The following AGK variants were observed in gnomAD, a reference collection of about 807,000 sequenced individuals.
AGK encodes acylglycerol kinase.
Under a neutral mutation model 66.4 loss-of-function variants are expected in AGK, and 52 were observed. That is an observed-to-expected ratio of 0.78 (90% CI 0.63 to 0.99). The LOEUF is 0.99. AGK is among the 50% of genes least tolerant of loss of function. The pLI is 0.00. For synonymous variants in AGK, 182 were observed against 181.1 expected, an observed-to-expected ratio of 1.00 and a Z score of -0.04; for missense variants, 451 against 506.6, an observed-to-expected ratio of 0.89 and a Z score of 1.05.
intron 2 of AGK, among the ~76,000 whole-genome samples, chr7:141,587,119 G>A (rs1796010348): frequency 6.6e-6 from 1 of 152,126 alleles, no homozygotes. Context: ...TCTGTGAATG[G>A]TACTGCCTTC....
At chr7:141,625,124 G>A (rs1796908240) in intron 9 of AGK, among the ~76,000 whole-genome samples, 1 of 151,958 alleles carries the variant, frequency 6.6e-6, no homozygotes, top group Non-Finnish European at 1.5e-5. Context: ...TTAAGTTAAG[G>A]TGCATACTTT....
intron 4 of AGK, among the ~76,000 whole-genome samples, chr7:141,599,838 A>T: frequency 6.6e-6 from 1 of 152,180 alleles, no homozygotes. Context: ...GAAAGGTAGA[A>T]AATATTTAAT....
chr7:141,597,733 A>T (rs967832482), intron 4 of AGK, among the ~76,000 whole-genome samples: 2 of 151,742 alleles, frequency 1.3e-5, no homozygotes, highest in Non-Finnish European at 2.9e-5. Context: ...AGCTGAAAAA[A>T]TGCAAAAATT....
At chr7:141,595,426 A>C (rs1037627968) in intron 3 of AGK, among the ~76,000 whole-genome samples, 14 of 152,350 alleles carry the variant, frequency 9.2e-5, no homozygotes, top group Admixed American at 3.9e-4. Context: ...TCTTACAAAG[A>C]AATAGTCTGT....
chr7:141,632,941 A>G (rs1487180882), intron 9 of AGK, among the ~76,000 whole-genome samples: 1 of 152,216 alleles, frequency 6.6e-6, no homozygotes, highest in East Asian at 1.9e-4. Flanking sequence ...TAGTGGAAAC[A>G]GGAGTGAATG....
intron 2 of AGK, among the ~76,000 whole-genome samples, chr7:141,588,815 G>A (rs1223177159): frequency 6.6e-6 from 1 of 152,116 alleles, no homozygotes; most frequent in East Asian, 1.9e-4. Flanking sequence ...ACCATACAGT[G>A]TAACTTCCAG....
At chr7:141,644,965 G>A (rs1269207268) in intron 13 of AGK, among the ~76,000 whole-genome samples, 2 of 151,514 alleles carry the variant, frequency 1.3e-5, no homozygotes, top group African/African-American at 2.4e-5. Context: ...CTAATACTCT[G>A]CTTCTCTTAT....
intron 2 of AGK, among the ~76,000 whole-genome samples, chr7:141,569,640 C>G (rs1281606903): frequency 1.3e-5 from 2 of 152,200 alleles, no homozygotes; most frequent in Non-Finnish European, 2.9e-5. Flanking sequence ...TTTCATCTTC[C>G]TTATAACTCT....
chr7:141,646,314 G>A (rs942453248), intron 13 of AGK, among the ~76,000 whole-genome samples: 10 of 151,974 alleles, frequency 6.6e-5, no homozygotes, highest in African/African-American at 1.2e-4. Flanking sequence ...GTGAGCAGGC[G>A]GGACAGTCTC....
chr7:141,592,575 A>T (rs1049358494), intron 2 of AGK, among the ~76,000 whole-genome samples: 1 of 152,108 alleles, frequency 6.6e-6, no homozygotes, highest in Non-Finnish European at 1.5e-5. Flanking sequence ...GAGGATTCGG[A>T]TGTGGAAATT....
intron 8 of AGK, chr7:141,615,852 AT>A (rs758192749): frequency 3.1e-6 from 1 of 318,250 alleles, no homozygotes; most frequent in Non-Finnish European, 5.8e-6. Flanking sequence ...GTGCTTGTAC[AT>A]TGTAAGATTC....
In AGK at chr7:141,652,830, C is replaced by T. The variant is rs747624084; in HGVS notation, c.1175C>T (p.Ala392Val). 1.0e-4 allele frequency: 163 copies of T among 1,613,760 alleles called. 1 individual carries two copies. The highest frequency in any genetic ancestry group is 1.7e-4 in the Middle Eastern group (1 of 5,994). ...AGCATTGACAGTGAGGAGTATGAAG[C>T]GATGCCTGTGGAGGTGAAACTGCTC... Reference protein sequence around the residue: ...SFSIDSEEYEAMPVEVKLLPR... With the variant: ...SFSIDSEEYEVMPVEVKLLPR... Residue 392 changes from alanine to valine, a missense_variant, in exon 16 of 16, where the codon GCG becomes GTG. By Grantham distance (64) the Ala-to-Val change is moderately conservative (BLOSUM62 0). Coordinates refer to ENST00000649286, the MANE Select transcript of AGK (RefSeq NM_018238.4).
At position 141,579,270 on chromosome 7, in the gene AGK, C is replaced by T. The variant is rs188888351; in HGVS notation, c.102-13876C>T. 1.2e-4 allele frequency among the ~76,000 whole-genome samples: 18 copies of T among 152,104 alleles called. No individual in the cohort carries two copies. In the East Asian group the frequency reaches 2.7e-3, roughly 23 times the overall value. On this transcript the variant is annotated intron_variant, in intron 2 of 15. Coordinates refer to ENST00000649286, the MANE Select transcript of AGK (RefSeq NM_018238.4). ...CTTGGTGAGGTGTGTTTTTAAAAGA[C>T]CATTAGTCCGTTCTACCTTTTCTGA...
At chr7:141,612,235 T>C (rs1387328810) in intron 6 of AGK, among the ~76,000 whole-genome samples, 2 of 152,210 alleles carry the variant, frequency 1.3e-5, no homozygotes, top group Non-Finnish European at 2.9e-5. Flanking sequence ...AAAGACTACA[T>C]ACTGTGTGAT....
At chr7:141,560,751 A>G (rs1453991701) in intron 2 of AGK, among the ~76,000 whole-genome samples, 1 of 151,314 alleles carries the variant, frequency 6.6e-6, no homozygotes, top group African/African-American at 2.4e-5. Flanking sequence ...CGCTTAGAGT[A>G]ATGGTCTCCA....
chr7:141,614,392 A>T (rs939246188), intron 7 of AGK, among the ~76,000 whole-genome samples: 1 of 152,142 alleles, frequency 6.6e-6, no homozygotes, highest in Non-Finnish European at 1.5e-5. Flanking sequence ...ATGGTATCCA[A>T]TAACTTTGAC....
intron 1 of AGK, among the ~76,000 whole-genome samples, chr7:141,554,405 G>T (rs983471659): frequency 4.7e-5 from 7 of 150,410 alleles, no homozygotes; most frequent in African/African-American, 1.7e-4. Context: ...TTATACTCAT[G>T]TTTGAACATA....
intron 4 of AGK, 194 bp downstream of exon 4, chr7:141,596,835 A>G (rs1796237388): frequency 3.6e-6 from 2 of 559,162 alleles, no homozygotes; most frequent in Admixed American, 3.3e-5. Context: ...ATGCTTAGCA[A>G]ACTTGTCTAA....
intron 2 of AGK, among the ~76,000 whole-genome samples, chr7:141,591,082 G>GTTTTTT (rs60762855): frequency 1.6e-5 from 1 of 61,040 alleles, no homozygotes; most frequent in Admixed American, 3.1e-4. Flanking sequence ...TTCTTAAGTT[G>GTTTTTT]TTTTTTTTTT....
Sources: allele counts gnomAD v4.1 joint callset (sites outside exome capture counted in the v4.1 genomes callset), GRCh38; gene constraint gnomAD v4.1.1; transcripts MANE v1.5; gene names NCBI Gene and HGNC (gene_info 2026-07-23, HGNC 2026-07-21).